Variants in SAMD4A observed in about 807,000 individuals in gnomAD.
The protein encoded by SAMD4A is sterile alpha motif domain containing 4A.
A neutral mutation model predicts 81.3 loss-of-function variants in SAMD4A; 33 were observed. The observed-to-expected ratio is 0.41, with a 90% CI of 0.31 to 0.54. SAMD4A has a LOEUF of 0.54. SAMD4A is among the 20% of genes least tolerant of loss of function. The pLI is 0.37. For synonymous variants in SAMD4A, 389 were observed against 382.1 expected (o/e 1.02, Z -0.21); for missense variants, 854 against 951.1 (o/e 0.90, Z 1.34).
chr14:54,669,216 C>CT (rs2035820517), intron 2 of SAMD4A, among the ~76,000 whole-genome samples: 1 of 152,110 alleles, frequency 6.6e-6, no homozygotes, highest in African/African-American at 2.4e-5. Context: ...GGAGACACAG[C>CT]TAAGGTACTG....
chr14:54,742,971 A>G (rs2140948339), intron 4 of SAMD4A, among the ~76,000 whole-genome samples: 1 of 152,340 alleles, frequency 6.6e-6, no homozygotes. Context: ...ACTCTGAAAT[A>G]GCGGGTTTGG....
chr14:54,670,291 G>T (rs537880864), intron 2 of SAMD4A, among the ~76,000 whole-genome samples: 2 of 152,132 alleles, frequency 1.3e-5, no homozygotes, highest in Admixed American at 6.5e-5. Flanking sequence ...GTAGGTTACC[G>T]TTCATCTGGT....
intron 2 of SAMD4A, among the ~76,000 whole-genome samples, chr14:54,587,045 C>G (rs2033641438): frequency 6.6e-6 from 1 of 152,112 alleles, no homozygotes; most frequent in Non-Finnish European, 1.5e-5. Context: ...AATATTGATT[C>G]TACCTATCCA....
intron 2 of SAMD4A, among the ~76,000 whole-genome samples, chr14:54,585,729 A>T (rs758971357): frequency 1.3e-5 from 2 of 152,208 alleles, no homozygotes; most frequent in African/African-American, 4.8e-5. Context: ...ACGTAGAATA[A>T]TAGTCTCCAG....
At chr14:54,777,204 C>A (rs539457077) in intron 11 of SAMD4A, among the ~76,000 whole-genome samples, 10 of 152,050 alleles carry the variant, frequency 6.6e-5, no homozygotes, top group Admixed American at 1.3e-4. Context: ...TGGACCCCCC[C>A]CCACCCCCAC....
intron 2 of SAMD4A, among the ~76,000 whole-genome samples, chr14:54,675,367 CAA>C (rs59110762): frequency 0.4 from 30,365 of 75,452 alleles, 5,202 homozygotes; most frequent in Non-Finnish European, 0.48. Context: ...ACTCCGTCTC[CAA>C]AAAAAAAAAA....
Position 54,702,163 on chromosome 14 carries a change from G to C in SAMD4A, c.298G>C (p.Glu100Gln). The C allele has an allele frequency of 6.2e-7, 1 of 1,614,154 alleles. No individual in the cohort carries two copies. Among genetic ancestry groups the C allele is most frequent in the South Asian group, 1.1e-5 (1 of 91,082 alleles). The change falls in exon 3 of 13, where the codon GAA becomes CAA. Residue 100 changes from glutamate to glutamine, a missense_variant. Physicochemically the swap from Glu to Gln is conservative, Grantham distance 29. Coordinates refer to ENST00000554335, the MANE Select transcript of SAMD4A (RefSeq NM_015589.6). ...LKPGNLDAKVEYMKLLPKILA... is the reference protein window; with the variant it reads ...LKPGNLDAKVQYMKLLPKILA... ...GCCAGGAAACCTCGACGCGAAAGTA[G>C]AATATATGAAACTGCTGCCCAAAAT...
chr14:54,625,626 ATATTTGCAAGT>A (rs559645484), intron 2 of SAMD4A, among the ~76,000 whole-genome samples: 1 of 152,328 alleles, frequency 6.6e-6, no homozygotes, highest in East Asian at 1.9e-4. Flanking sequence ...ATGTGTCCCC[ATATTTGCAAGT>A]TTCTCAGAGA....
At chr14:54,683,610 A>T (rs2036180932) in intron 2 of SAMD4A, among the ~76,000 whole-genome samples, 1 of 152,212 alleles carries the variant, frequency 6.6e-6, no homozygotes, top group African/African-American at 2.4e-5. Context: ...GAAAATGTAG[A>T]TTCCTTCCTG....
intron 2 of SAMD4A, among the ~76,000 whole-genome samples, chr14:54,646,827 C>A (rs935711595): frequency 6.6e-6 from 1 of 152,168 alleles, no homozygotes; most frequent in Non-Finnish European, 1.5e-5. Context: ...TTAGTTGTAT[C>A]CTGCCCGTTT....
rs1015356278 is a variant in SAMD4A at position 54,789,356 on chromosome 14, A to T, written c.*412A>T. ...GGCTTCTCGGAAGGCCTGGCTTCAC[A>T]GGCAGGCCACAGAAGGATATCGCGG... On this transcript the variant is annotated 3_prime_UTR_variant, in exon 13 of 13. Transcript: ENST00000554335. 4.6e-6 allele frequency: 1 copy of T among 219,650 alleles called. No homozygotes were observed. Among genetic ancestry groups the T allele is most frequent in the Non-Finnish European group, 9.1e-6 (1 of 110,046 alleles). 13.6% of individuals were successfully genotyped at this position (219,650 alleles called of 1,614,324 possible). A position where few individuals can be genotyped will look rare whatever the true frequency, so the allele number is the denominator to read the frequency against.
chr14:54,682,103 T>A (rs773093637), intron 2 of SAMD4A: 14 of 966,712 alleles, frequency 1.4e-5, no homozygotes, highest in Non-Finnish European at 1.7e-5. Flanking sequence ...CGGATCCCTG[T>A]TCTTATCCCA....
intron 3 of SAMD4A, among the ~76,000 whole-genome samples, chr14:54,720,761 G>A (rs2037240514): frequency 6.6e-6 from 1 of 151,966 alleles, no homozygotes; most frequent in African/African-American, 2.4e-5. Flanking sequence ...GTCTATGAAT[G>A]GCTTAGCACC....
chr14:54,669,813 G>A (rs1381526736), intron 2 of SAMD4A, among the ~76,000 whole-genome samples: 1 of 152,162 alleles, frequency 6.6e-6, no homozygotes, highest in Non-Finnish European at 1.5e-5. Context: ...AGATGACGTT[G>A]CCAGCATGCA....
At position 54,568,072 on chromosome 14, in the gene SAMD4A, C is replaced by G. The variant is rs749705091; in HGVS notation, c.156C>G (p.Cys52Trp). Residue 52 changes from cysteine to tryptophan, a missense_variant, in exon 2 of 13, where the codon TGC becomes TGG. This residue lies in a region of SAMD4A where 387 missense variants were observed against 405.8 expected (regional missense o/e 0.95). Transcript: ENST00000554335. ...QLCLEHSLAD[C>W]AELHVLEREA... is the part of the protein sequence containing the mutation. ...GCCTGGAGCACTCGCTGGCCGACTG[C>G]GCCGAGCTGCACGTCCTCGAACGCG... 6.3e-7 allele frequency: 1 copy of G among 1,584,502 alleles called. No individual in the cohort carries two copies. The highest frequency in any genetic ancestry group is 8.5e-7 in the Non-Finnish European group (1 of 1,173,000).
chr14:54,671,986 AC>A (rs773685864), intron 2 of SAMD4A, among the ~76,000 whole-genome samples: 13 of 141,394 alleles, frequency 9.2e-5, no homozygotes, highest in Non-Finnish European at 2.0e-4. Flanking sequence ...TCACACCATT[AC>A]CCCCATCTAC....
At chr14:54,763,000 G>A (rs1011129509) in intron 7 of SAMD4A, among the ~76,000 whole-genome samples, 11 of 151,652 alleles carry the variant, frequency 7.3e-5, no homozygotes, top group Middle Eastern at 3.4e-3. Context: ...GACTACAGGC[G>A]CCCGCCACCA....
rs560752867 is a variant in SAMD4A, at chr14:54,771,627, C to G, written c.1715+1405C>G. On this transcript the variant is annotated intron_variant, in intron 9 of 12. Coordinates refer to ENST00000554335, the MANE Select transcript of SAMD4A (RefSeq NM_015589.6). ...TGAAAGGCAAGGTCTGCTTCCTTGGCCTCCTGCCCTGGGGCCTACCCCCAT... is the reference window on the plus strand; with the variant it reads ...TGAAAGGCAAGGTCTGCTTCCTTGGGCTCCTGCCCTGGGGCCTACCCCCAT... 1.0e-3 allele frequency among the ~76,000 whole-genome samples: 153 copies of G among 152,354 alleles called. 2 individuals are homozygous for G. In the South Asian group the frequency reaches 0.031, roughly 31 times the overall value.
intron 4 of SAMD4A, among the ~76,000 whole-genome samples, chr14:54,745,325 C>A (rs1167386997): frequency 6.6e-6 from 1 of 152,180 alleles, no homozygotes; most frequent in African/African-American, 2.4e-5. Context: ...CTAGCCATTC[C>A]CCCATCCACC....
Sources: gnomAD v4.1 joint callset for allele counts (sites outside exome capture counted in the v4.1 genomes callset) on GRCh38, gnomAD v4.1.1 for gene constraint, gnomAD v4.1.1 regional missense constraint, MANE v1.5 for transcripts, NCBI Gene and HGNC (gene_info 2026-07-23, HGNC 2026-07-21) for gene names.